Variants in PCDHGA1 observed in about 807,000 individuals in gnomAD.
PCDHGA1 encodes protocadherin gamma subfamily A, 1.
Under a neutral mutation model 58.0 loss-of-function variants are expected in PCDHGA1, and 32 were observed. The observed-to-expected ratio is 0.55, with a 90% CI of 0.42 to 0.74. The LOEUF (loss-of-function observed/expected upper bound fraction) is 0.74. Among genes scored for constraint, PCDHGA1 ranks in the 30% least tolerant of loss-of-function variants. The pLI, the probability that PCDHGA1 is intolerant of heterozygous loss-of-function variation, is 0.00. For missense variants in PCDHGA1, 1,205 were observed against 1,182.3 expected (o/e 1.02, Z -0.28); for synonymous variants, 498 against 501.1 (o/e 0.99, Z 0.08).
chr5:141,362,509 AATC>A lies in PCDHGA1; in HGVS notation c.2421+29407_2421+29409del, dbSNP rs1561527217. ...CAATGCCTCTTGGGAACAAAATACAAATCATGGAGCCGCTGGGGTCCCTTTTGC... is the reference window on the plus strand; with the variant it reads ...CAATGCCTCTTGGGAACAAAATACAAATGGAGCCGCTGGGGTCCCTTTTGC... On this transcript the variant is annotated intron_variant, in intron 1 of 3. Coordinates refer to ENST00000517417, the MANE Select transcript of PCDHGA1 (RefSeq NM_018912.3). The A allele has an allele frequency of 5.0e-6, 8 of 1,613,920 alleles. No homozygotes were observed. The South Asian group carries it at 7.7e-5, about 16-fold the overall frequency.
At chr5:141,409,734 G>A in intron 1 of PCDHGA1, 1 of 1,613,144 alleles carries the variant, frequency 6.2e-7, no homozygotes, top group East Asian at 2.2e-5. Flanking sequence ...AGCGCGCAGA[G>A]CGGGGTGGTG....
chr5:141,388,842 A>G (rs1399936260), intron 1 of PCDHGA1: 1 of 1,614,014 alleles, frequency 6.2e-7, no homozygotes, highest in Non-Finnish European at 8.5e-7. Flanking sequence ...TTTGGAAGCA[A>G]GGGACGGTGG....
At chr5:141,427,972 C>T (rs1368719718) in intron 1 of PCDHGA1, 1 of 1,593,948 alleles carries the variant, frequency 6.3e-7, no homozygotes, top group South Asian at 1.1e-5. Flanking sequence ...GTGCTGTACC[C>T]CGCGCTGGGG....
At chr5:141,352,135 G>A (rs747746357) in intron 1 of PCDHGA1, 4 of 1,611,002 alleles carry the variant, frequency 2.5e-6, no homozygotes, top group African/African-American at 2.7e-5. Context: ...TGCGCACAGC[G>A]CGTGCCTTGG....
chr5:141,419,175 C>A lies in PCDHGA1; in HGVS notation c.2422-75632C>A, dbSNP rs185228661. On this transcript the variant is annotated intron_variant, in intron 1 of 3. Transcript: ENST00000517417. Reference sequence around the variant, plus strand: ...CCGTTATCCTCCAGCAAAACCATAACCCTGCACATTACTGACGTCAATGAC... The same window carrying A: ...CCGTTATCCTCCAGCAAAACCATAAACCTGCACATTACTGACGTCAATGAC... The A allele has an allele frequency of 5.2e-4, 837 of 1,613,966 alleles. 3 individuals carry two copies. Among genetic ancestry groups the A allele is most frequent in the Non-Finnish European group, 9.3e-5 (110 of 1,179,894 alleles).
intron 1 of PCDHGA1, chr5:141,355,754 G>A (rs776270639): frequency 6.2e-7 from 1 of 1,613,930 alleles, no homozygotes; most frequent in Admixed American, 1.7e-5. Context: ...GTGCAAAGTG[G>A]GGCCGATGGG....
chr5:141,393,350 C>T (rs775303289), intron 1 of PCDHGA1: 25 of 1,613,840 alleles, frequency 1.5e-5, no homozygotes, highest in Non-Finnish European at 1.9e-5. Flanking sequence ...ACCACTTCTC[C>T]CTGGACGTGC....
chr5:141,370,144 A>G (rs1427805269), intron 1 of PCDHGA1: 2 of 435,992 alleles, frequency 4.6e-6, no homozygotes, highest in Non-Finnish European at 4.0e-6. Flanking sequence ...TTTAGTCACC[A>G]TTACTGCAGT....
At position 141,492,138 on chromosome 5, in the gene PCDHGA1, T is replaced by C. The variant is rs577884713; in HGVS notation, c.2422-2669T>C. ...ATTTCTCCCCAGCTCCCAGCATCTG[T>C]GACTTCACTGTTACCCTCCCTATCC... On this transcript the variant is annotated intron_variant, in intron 1 of 3. Coordinates refer to ENST00000517417, the MANE Select transcript of PCDHGA1 (RefSeq NM_018912.3). 2.4e-3 allele frequency among the ~76,000 whole-genome samples: 366 copies of C among 152,312 alleles called. 1 individual carries two copies. Among genetic ancestry groups the C allele is most frequent in the Non-Finnish European group, 3.5e-3 (238 of 68,014 alleles).
intron 1 of PCDHGA1, among the ~76,000 whole-genome samples, chr5:141,470,877 T>C (rs1438812002): frequency 1.3e-5 from 2 of 151,808 alleles, no homozygotes; most frequent in Non-Finnish European, 2.9e-5. Context: ...TTTGTTTTTT[T>C]GTTTTTGTTT....
rs529687184 is a variant in PCDHGA1, at chr5:141,365,180, G to A, written c.2421+32075G>A. 3.0e-5 allele frequency: 48 copies of A among 1,613,844 alleles called. No homozygotes were observed. In the East Asian group the frequency reaches 1.0e-3, roughly 35 times the overall value. ...GAAATTGACCTACTCTTTTCGCAATGAAGAAGAAAAAATTTCGGAGACTTT... is the reference window on the plus strand; with the variant it reads ...GAAATTGACCTACTCTTTTCGCAATAAAGAAGAAAAAATTTCGGAGACTTT... On this transcript the variant is annotated intron_variant, in intron 1 of 3. Coordinates refer to ENST00000517417, the MANE Select transcript of PCDHGA1 (RefSeq NM_018912.3).
rs1275819200 is a variant in PCDHGA1, at chr5:141,491,620, A to G, written c.2422-3187A>G. 5 of 1,613,788 alleles carry G rather than the reference A, an allele frequency of 3.1e-6. No individual in the cohort carries two copies. Among genetic ancestry groups the G allele is most frequent in the Non-Finnish European group, 4.2e-6 (5 of 1,180,014 alleles). On this transcript the variant is annotated intron_variant, in intron 1 of 3. Coordinates refer to ENST00000517417, the MANE Select transcript of PCDHGA1 (RefSeq NM_018912.3). The surrounding 1 kb of genome is among the most constrained non-coding windows in gnomAD (Gnocchi z 6.9). ...TGACTTCACTTTTCTAAGACCCCTC[A>G]GCGTTCAGCAGCCCACAGCTCTGGC...
Position 141,331,822 on chromosome 5 carries a change from G to A in PCDHGA1, c.1138G>A (p.Gly380Ser). The A allele has an allele frequency of 1.2e-6, 2 of 1,614,056 alleles. No individual in the cohort carries two copies. The highest frequency in any genetic ancestry group is 1.7e-6 in the Non-Finnish European group (2 of 1,180,016). The change falls in exon 1 of 4, where the codon GGC becomes AGC. Residue 380 changes from glycine (G) to serine (S), a missense_variant. Gly to Ser is a moderately conservative substitution (Grantham distance 56, BLOSUM62 0). Coordinates refer to ENST00000517417, the MANE Select transcript of PCDHGA1 (RefSeq NM_018912.3). Reference sequence around the variant, plus strand: ...GCATGACCAGGACTCAGGAGACAATGGCTACACCACATGTTTCATTCCTGG... The same window carrying A: ...GCATGACCAGGACTCAGGAGACAATAGCTACACCACATGTTTCATTCCTGG... ...SVHDQDSGDN[G>S]YTTCFIPGNL...
intron 1 of PCDHGA1, chr5:141,441,837 G>A (rs952709777): frequency 2.8e-6 from 1 of 354,138 alleles, no homozygotes. Context: ...ATGGCTTCGC[G>A]CTCTTGGATA....
intron 1 of PCDHGA1, among the ~76,000 whole-genome samples, chr5:141,467,320 T>C (rs1593065881): frequency 6.6e-6 from 1 of 152,322 alleles, no homozygotes; most frequent in African/African-American, 2.4e-5. Flanking sequence ...CCCACAGTGC[T>C]GGGATTAGAG....
chr5:141,375,096 T>C lies in PCDHGA1; in HGVS notation c.2421+41991T>C, dbSNP rs764268392. 1.9e-5 allele frequency: 30 copies of C among 1,613,836 alleles called. No homozygotes were observed. The highest frequency in any genetic ancestry group is 2.5e-5 in the Non-Finnish European group (29 of 1,179,900). ...AGAGCGAAAGTCTTAATAACTATCT[T>C]GGATGTCAATGATAATGTACCAGAA... is the stretch of plus-strand genomic sequence containing the variant. On this transcript the variant is annotated intron_variant, in intron 1 of 3. Coordinates refer to ENST00000517417, the MANE Select transcript of PCDHGA1 (RefSeq NM_018912.3).
Position 141,351,843 on chromosome 5 carries a change from T to C in PCDHGA1, c.2421+18738T>C, listed in dbSNP as rs773877160. On this transcript the variant is annotated intron_variant, in intron 1 of 3. Coordinates refer to ENST00000517417, the MANE Select transcript of PCDHGA1 (RefSeq NM_018912.3). ...CAGCTGCGCGCCTTCGAGCTCACACTGCAGGCCAGGGACCAGGGCTCCCCC... is the reference window on the plus strand; with the variant it reads ...CAGCTGCGCGCCTTCGAGCTCACACCGCAGGCCAGGGACCAGGGCTCCCCC... The C allele has an allele frequency of 2.4e-5, 38 of 1,613,116 alleles. No homozygotes were observed. In the South Asian group the frequency reaches 4.1e-4, roughly 17 times the overall value.
chr5:141,365,219 A>C (rs569659080), intron 1 of PCDHGA1: 3 of 1,613,844 alleles, frequency 1.9e-6, no homozygotes, highest in African/African-American at 2.7e-5. Context: ...ACTTGATTCC[A>C]ACCTGGGGGA....
intron 1 of PCDHGA1, chr5:141,403,154 T>G (rs1166937788): frequency 6.2e-7 from 1 of 1,614,024 alleles, no homozygotes; most frequent in Non-Finnish European, 8.5e-7. Flanking sequence ...CCGCATCGTC[T>G]CTAGAGGTAG....
Sources: allele counts gnomAD v4.1 joint callset (sites outside exome capture counted in the v4.1 genomes callset), GRCh38; gene constraint gnomAD v4.1.1; non-coding constraint Gnocchi (gnomAD v3.1); transcripts MANE v1.5; gene names NCBI Gene and HGNC (gene_info 2026-07-23, HGNC 2026-07-21).